Variants in WDR64 observed in about 807,000 individuals in gnomAD.
The protein encoded by WDR64 is WD repeat domain 64.
A neutral mutation model predicts 139.3 loss-of-function variants in WDR64; 112 were observed. That is an observed-to-expected ratio of 0.80 (90% CI 0.69 to 0.94). WDR64 has a LOEUF of 0.94. WDR64 is among the 40% of genes least tolerant of loss of function. The pLI, the probability that WDR64 is intolerant of heterozygous loss-of-function variation, is 0.00. For missense variants in WDR64, 1,206 were observed against 1,293.1 expected, an observed-to-expected ratio of 0.93 and a Z score of 1.03; for synonymous variants, 444 against 437.7, an observed-to-expected ratio of 1.01 and a Z score of -0.18.
intron 8 of WDR64, among the ~76,000 whole-genome samples, chr1:241,705,291 C>T (rs1005631703): frequency 6.6e-6 from 1 of 152,012 alleles, no homozygotes; most frequent in Admixed American, 6.6e-5. Flanking sequence ...CCTGTAATCC[C>T]AGCACTTTGG....
chr1:241,776,479 A>G (rs1327060830), intron 21 of WDR64, among the ~76,000 whole-genome samples: 32 of 152,212 alleles, frequency 2.1e-4, no homozygotes, highest in Non-Finnish European at 4.4e-5. Flanking sequence ...TGTATATAGC[A>G]TTATAAATAA....
chr1:241,682,897 A>G (rs956549200), intron 6 of WDR64, among the ~76,000 whole-genome samples: 1 of 152,238 alleles, frequency 6.6e-6, no homozygotes, highest in Non-Finnish European at 1.5e-5. Context: ...TCGTGCTGCA[A>G]TAGTTCTTGG....
At chr1:241,674,045 G>A (rs1365685247) in intron 3 of WDR64, among the ~76,000 whole-genome samples, 1 of 151,960 alleles carries the variant, frequency 6.6e-6, no homozygotes, top group Non-Finnish European at 1.5e-5. Flanking sequence ...GCACATGCAC[G>A]TGTGTGTGTA....
intron 9 of WDR64, among the ~76,000 whole-genome samples, chr1:241,712,112 C>T (rs922022556): frequency 2.6e-5 from 4 of 152,104 alleles, no homozygotes; most frequent in Non-Finnish European, 5.9e-5. Flanking sequence ...TTTGTTCTTA[C>T]TGTTTTGTTT....
intron 9 of WDR64, among the ~76,000 whole-genome samples, chr1:241,714,088 G>T (rs756579816): frequency 6.6e-6 from 1 of 152,210 alleles, no homozygotes; most frequent in African/African-American, 2.4e-5. Flanking sequence ...GGAGATGAAT[G>T]ATGTCAGGGC....
intron 10 of WDR64, among the ~76,000 whole-genome samples, chr1:241,724,403 A>G (rs1558491954): frequency 6.6e-6 from 1 of 152,322 alleles, no homozygotes; most frequent in East Asian, 1.9e-4. Context: ...GCAATAGTCA[A>G]TGCAGAAATA....
At chr1:241,728,333 AG>A (rs1200621649) in intron 10 of WDR64, among the ~76,000 whole-genome samples, 22 of 117,456 alleles carry the variant, frequency 1.9e-4, no homozygotes, top group African/African-American at 7.8e-4. Flanking sequence ...ACTCAGTCTC[AG>A]AAAAGAAGAA....
intron 15 of WDR64, among the ~76,000 whole-genome samples, chr1:241,762,726 A>T (rs746299558): frequency 8.6e-5 from 13 of 152,018 alleles, no homozygotes; most frequent in Non-Finnish European, 1.5e-4. Flanking sequence ...AACAACCATA[A>T]TATAATTTAT....
intron 23 of WDR64, among the ~76,000 whole-genome samples, chr1:241,786,226 C>A (rs1430423695): frequency 6.6e-6 from 1 of 152,208 alleles, no homozygotes; most frequent in Non-Finnish European, 1.5e-5. Flanking sequence ...TTTCTGCCTC[C>A]TTCTCAACAT....
At chr1:241,737,358 C>T (rs1669369360) in intron 10 of WDR64, among the ~76,000 whole-genome samples, 1 of 152,170 alleles carries the variant, frequency 6.6e-6, no homozygotes, top group South Asian at 2.1e-4. Flanking sequence ...AAGATTTGAA[C>T]CTAATTAACT....
rs1262629633 is a variant in WDR64, at chr1:241,769,583, T to A, written c.2183+78T>A. 1.4e-5 allele frequency: 18 copies of A among 1,266,370 alleles called. No individual in the cohort carries two copies. The Admixed American group carries it at 3.9e-4, about 27-fold the overall frequency. 78.4% of individuals were successfully genotyped at this position (1,266,370 alleles called of 1,614,324 possible). A position where few individuals can be genotyped will look rare whatever the true frequency, so the allele number is the denominator to read the frequency against. ...TACATTAGGTTGATGCAAAATTAAT[T>A]GTGGTTTTTGCCATTGAAAGTAATA... On this transcript the variant is annotated intron_variant, in intron 17 of 27. Coordinates refer to ENST00000437684, the MANE Select transcript of WDR64 (RefSeq NM_001367482.1).
chr1:241,728,546 T>G (rs1668945204), intron 10 of WDR64, among the ~76,000 whole-genome samples: 1 of 152,170 alleles, frequency 6.6e-6, no homozygotes, highest in African/African-American at 2.4e-5. Flanking sequence ...GCTCTTAAAA[T>G]AGCAAGATTT....
intron 10 of WDR64, among the ~76,000 whole-genome samples, chr1:241,733,855 C>A (rs1473147401): frequency 6.6e-6 from 1 of 151,990 alleles, no homozygotes; most frequent in East Asian, 1.9e-4. Flanking sequence ...TCCTAAACCC[C>A]CTCAGTGCTG....
At position 241,673,923 on chromosome 1, in the gene WDR64, G is replaced by A. The variant is rs951934715; in HGVS notation, c.380-721G>A. ...TGAGATGGTATTAAGTTTTTATCAT[G>A]CGTAAACCACAATGGTGAGAATTCA... is the stretch of plus-strand genomic sequence containing the variant. On this transcript the variant is annotated intron_variant, in intron 3 of 27. Transcript: ENST00000437684. 4.7e-4 allele frequency among the ~76,000 whole-genome samples: 71 copies of A among 151,746 alleles called. 1 individual carries two copies. The highest frequency in any genetic ancestry group is 2.8e-4 in the Non-Finnish European group (19 of 67,976).
At chr1:241,761,756 T>G (rs887833906) in intron 15 of WDR64, among the ~76,000 whole-genome samples, 8 of 152,312 alleles carry the variant, frequency 5.3e-5, no homozygotes, top group African/African-American at 1.9e-4. Context: ...AGTCCTTTGT[T>G]GTCATTTCAG....
chr1:241,675,100 C>T (rs1573997201), intron 4 of WDR64, among the ~76,000 whole-genome samples: 1 of 128,580 alleles, frequency 7.8e-6, no homozygotes, highest in Non-Finnish European at 1.6e-5. Context: ...CTTCCTCCCT[C>T]CCTCCTTCCT....
At chr1:241,678,828 C>T (rs1049519455) in intron 5 of WDR64, among the ~76,000 whole-genome samples, 1 of 112,080 alleles carries the variant, frequency 8.9e-6, no homozygotes, top group Admixed American at 1.4e-4. Context: ...TCTGGATTCT[C>T]TGTAAACTTC....
chr1:241,786,348 T>C (rs6678028), intron 23 of WDR64, among the ~76,000 whole-genome samples: 26,265 of 152,164 alleles, frequency 0.17, 2,634 homozygotes, highest in African/African-American at 0.26. Context: ...ATGATGATGA[T>C]TGCCATCATT....
chr1:241,786,139 A>G (rs987727968), intron 23 of WDR64, among the ~76,000 whole-genome samples: 1 of 152,230 alleles, frequency 6.6e-6, no homozygotes, highest in Non-Finnish European at 1.5e-5. Flanking sequence ...GAATTAATAC[A>G]TGGAAGGGAT....
Sources: allele counts gnomAD v4.1 joint callset (sites outside exome capture counted in the v4.1 genomes callset), GRCh38; gene constraint gnomAD v4.1.1; transcripts MANE v1.5; gene names NCBI Gene and HGNC (gene_info 2026-07-23, HGNC 2026-07-21).